The following TSHZ3 variants were observed in gnomAD, a reference collection of about 807,000 sequenced individuals.
TSHZ3 encodes the protein teashirt homolog 3.
A neutral mutation model predicts 64.5 loss-of-function variants in TSHZ3; 10 were observed. The ratio of observed to expected loss-of-function variants is 0.16; its 90% CI spans 0.10 to 0.26. TSHZ3 has a LOEUF of 0.26. Among genes scored for constraint, TSHZ3 ranks in the 10% least tolerant of loss-of-function variants. The pLI, the probability that TSHZ3 is intolerant of heterozygous loss-of-function variation, is 1.00. For synonymous variants in TSHZ3, 608 were observed against 593.1 expected, an observed-to-expected ratio of 1.03 and a Z score of -0.36; for missense variants, 1,242 against 1,421.7, an observed-to-expected ratio of 0.87 and a Z score of 2.03.
At chr19:31,232,371 G>A (rs1157260713) in intron 3 of TSHZ3, among the ~76,000 whole-genome samples, 3 of 152,192 alleles carry the variant, frequency 2.0e-5, no homozygotes, top group Non-Finnish European at 4.4e-5. Context: ...TGAACGAAAA[G>A]GGAGGGTGTG....
At chr19:31,349,528 G>T (rs922775185), upstream of TSHZ3, 2 of 332,166 alleles carry the variant, frequency 6.0e-6, no homozygotes, top group Non-Finnish European at 1.1e-5. Context: ...GGAGGACCGC[G>T]CTGCCGGCGG....
intron 5 of TSHZ3, among the ~76,000 whole-genome samples, chr19:31,194,896 G>T (rs960812645): frequency 1.3e-5 from 2 of 152,060 alleles, no homozygotes; most frequent in Non-Finnish European, 2.9e-5. Context: ...TAAGAAAAAA[G>T]AAACAAAAAG....
At chr19:31,330,721 A>C (rs991208194) in intron 1 of TSHZ3, among the ~76,000 whole-genome samples, 19 of 150,368 alleles carry the variant, frequency 1.3e-4, no homozygotes, top group African/African-American at 2.5e-5. Context: ...GGGGGAGGAA[A>C]GTCCAGAACA....
intron 1 of TSHZ3, among the ~76,000 whole-genome samples, chr19:31,301,078 A>T (rs1976748174): frequency 6.6e-6 from 1 of 152,160 alleles, no homozygotes; most frequent in African/African-American, 2.4e-5. Context: ...CATTACCATT[A>T]GCAAATCTTT....
intron 4 of TSHZ3, among the ~76,000 whole-genome samples, chr19:31,222,481 A>G (rs1975404928): frequency 6.6e-6 from 1 of 152,208 alleles, no homozygotes; most frequent in Non-Finnish European, 1.5e-5. Flanking sequence ...AAGGCTCTAG[A>G]GTAAAGTCAA....
intron 1 of TSHZ3, among the ~76,000 whole-genome samples, chr19:31,264,234 C>T (rs1976019158): frequency 6.6e-6 from 1 of 152,186 alleles, no homozygotes; most frequent in African/African-American, 2.4e-5. Context: ...CACCCTCAGC[C>T]AGTGACAGGC....
chr19:31,314,325 G>A (rs756381656), intron 1 of TSHZ3, among the ~76,000 whole-genome samples: 2 of 152,174 alleles, frequency 1.3e-5, no homozygotes, highest in Non-Finnish European at 2.9e-5. Context: ...GAGAGCGGGC[G>A]GCAGGGAGGC....
intron 1 of TSHZ3, among the ~76,000 whole-genome samples, chr19:31,244,272 C>T (rs905792781): frequency 3.3e-5 from 5 of 151,864 alleles, no homozygotes; most frequent in African/African-American, 9.7e-5. Flanking sequence ...TCATTAGATC[C>T]GGTTGTTTAA....
intron 1 of TSHZ3, among the ~76,000 whole-genome samples, chr19:31,290,055 G>T (rs1423213480): frequency 6.6e-6 from 1 of 152,124 alleles, no homozygotes; most frequent in African/African-American, 2.4e-5. Flanking sequence ...GAAGCAAGGG[G>T]ATCCCCTTCT....
chr19:31,309,663 G>A (rs1165570769), intron 1 of TSHZ3, among the ~76,000 whole-genome samples: 1 of 152,232 alleles, frequency 6.6e-6, no homozygotes, highest in East Asian at 1.9e-4. Flanking sequence ...TGGTACTTTA[G>A]TCATCCAAAC....
intron 1 of TSHZ3, among the ~76,000 whole-genome samples, chr19:31,313,209 A>G (rs538050442): frequency 6.6e-6 from 1 of 152,312 alleles, no homozygotes; most frequent in East Asian, 1.9e-4. Context: ...TGCTGTTAGC[A>G]TTTCCACACC....
At position 31,277,585 on chromosome 19, in the gene TSHZ3, G is replaced by A. The variant is rs139947200; in HGVS notation, c.2208C>T (p.Ala736=). 302 of 1,595,278 alleles carry A rather than the reference G, an allele frequency of 1.9e-4. No individual in the cohort carries two copies. In the African/African-American group the frequency reaches 3.8e-3, roughly 20 times the overall value. Residue 736 remains alanine, a synonymous_variant, in exon 2 of 2, where the codon GCC becomes GCT. Coordinates refer to ENST00000240587, the MANE Select transcript of TSHZ3 (RefSeq NM_020856.4). The surrounding 1 kb of genome is among the most constrained non-coding windows in gnomAD (Gnocchi z 4.5). ...CCAGGGCAGGCAGGGAGGGCTTGGC[G>A]GCCTTGCCCAGGTGAATGTTCATGA... is the stretch of plus-strand genomic sequence containing the variant. ...QSVMNIHLGK[A]AKPSLPALDP... is the part of the protein sequence containing the mutation.
chr19:31,323,251 C>T (rs1916828926), intron 1 of TSHZ3, among the ~76,000 whole-genome samples: 1 of 152,236 alleles, frequency 6.6e-6, no homozygotes. Flanking sequence ...CAGGAGCATG[C>T]TGCCACCGTA....
At chr19:31,152,097 G>A (rs987338204) in intron 6 of TSHZ3, among the ~76,000 whole-genome samples, 2 of 151,478 alleles carry the variant, frequency 1.3e-5, no homozygotes, top group Admixed American at 6.6e-5. Flanking sequence ...TTTCTCACTA[G>A]ACAGTTCTAC....
chr19:31,224,969 C>T (rs572349481), intron 4 of TSHZ3, among the ~76,000 whole-genome samples: 2 of 152,256 alleles, frequency 1.3e-5, no homozygotes, highest in Non-Finnish European at 2.9e-5. Context: ...CCCCAGGGCC[C>T]CTGTTCCCCC....
intron 4 of TSHZ3, among the ~76,000 whole-genome samples, chr19:31,227,048 G>A (rs955493838): frequency 6.1e-5 from 8 of 132,094 alleles, no homozygotes; most frequent in South Asian, 2.4e-4. Context: ...GTGCCATCTC[G>A]GCTTACTGCA....
chr19:31,338,581 C>CTTTTTTTTTTTTTTTTTTTTTT (rs34643581), intron 1 of TSHZ3, among the ~76,000 whole-genome samples: 1 of 119,106 alleles, frequency 8.4e-6, no homozygotes. Context: ...TTTTTTTTTT[C>CTTTTTTTTTTTTTTTTTTTTTT]TTTTTTTTTT....
chr19:31,219,451 A>T (rs749280717), intron 4 of TSHZ3, among the ~76,000 whole-genome samples: 1 of 152,026 alleles, frequency 6.6e-6, no homozygotes, highest in Middle Eastern at 3.2e-3. Flanking sequence ...TTGTTCAGTG[A>T]CTTGGCTTCT....
chr19:31,237,710 C>A (rs900763103), intron 3 of TSHZ3, among the ~76,000 whole-genome samples: 1 of 152,002 alleles, frequency 6.6e-6, no homozygotes, highest in African/African-American at 2.4e-5. Flanking sequence ...AAACCTTTTT[C>A]TTTTCTAAAA....
Sources: allele counts gnomAD v4.1 joint callset (sites outside exome capture counted in the v4.1 genomes callset), GRCh38; gene constraint gnomAD v4.1.1; non-coding constraint Gnocchi (gnomAD v3.1); transcripts MANE v1.5; gene names NCBI Gene and HGNC (gene_info 2026-07-23, HGNC 2026-07-21).